The following CSMD1 variants were observed in gnomAD, a reference collection of about 807,000 sequenced individuals.
The protein encoded by CSMD1 is CUB and sushi domain-containing protein 1.
CSMD1 carries 213 observed loss-of-function variants against 417.5 expected under a neutral mutation model. The ratio of observed to expected loss-of-function variants is 0.51; its 90% CI spans 0.46 to 0.57. CSMD1 has a LOEUF of 0.57. CSMD1 is among the 20% of genes least tolerant of loss of function. The probability of loss-of-function intolerance (pLI) is 0.00; values close to 1 mark genes in which losing one functional copy is unlikely to be tolerated. For missense variants in CSMD1, 6,923 were observed against 4,529.7 expected (o/e 1.53, Z -15.17); for synonymous variants, 2,862 against 1,736.8 (o/e 1.65, Z -16.11).
At chr8:3,570,365 G>GC (rs1799893456) in intron 10 of CSMD1, among the ~76,000 whole-genome samples, 1 of 152,070 alleles carries the variant, frequency 6.6e-6, no homozygotes, top group Admixed American at 6.6e-5. Context: ...TCTTTCCTTG[G>GC]CTCCGTGGCA....
chr8:3,464,216 T>G (rs1378381737), intron 12 of CSMD1, among the ~76,000 whole-genome samples: 1 of 152,158 alleles, frequency 6.6e-6, no homozygotes, highest in Non-Finnish European at 1.5e-5. Context: ...GAATTTTTTT[T>G]TGTAACCAAA....
chr8:4,153,542 C>A lies in CSMD1; in HGVS notation c.416-121443G>T, dbSNP rs114149913. 7.4e-3 allele frequency among the ~76,000 whole-genome samples: 1,123 copies of A among 152,332 alleles called. 18 individuals are homozygous for A. Among genetic ancestry groups the A allele is most frequent in the African/African-American group, 0.026 (1,077 of 41,566 alleles). On this transcript the variant is annotated intron_variant, in intron 3 of 69. Coordinates refer to ENST00000635120, the MANE Select transcript of CSMD1 (RefSeq NM_033225.6). ...TACAAAGCACCAGCTGGTCCCTCGTCAGCAGCGGCCTCCACGCAATCATGG... is the reference window on the plus strand; with the variant it reads ...TACAAAGCACCAGCTGGTCCCTCGTAAGCAGCGGCCTCCACGCAATCATGG...
In CSMD1 at chr8:2,954,214, G is replaced by A. The variant is rs771077891; in HGVS notation, c.10039+10C>T. On this transcript the variant is annotated intron_variant, in intron 65 of 69. Coordinates refer to ENST00000635120, the MANE Select transcript of CSMD1 (RefSeq NM_033225.6). ...TGGATTGAAATCTAGAACTGTTCTG[G>A]TATACAAACCTGGAGTTTTAGTAAC... The A allele has an allele frequency of 2.7e-6, 4 of 1,468,278 alleles. No homozygotes were observed. Among genetic ancestry groups the A allele is most frequent in the South Asian group, 1.3e-5 (1 of 79,470 alleles). 91.0% of individuals were successfully genotyped at this position (1,468,278 alleles called of 1,614,324 possible). A position where few individuals can be genotyped will look rare whatever the true frequency, so the allele number is the denominator to read the frequency against.
rs1015980454 is a variant in CSMD1 at position 4,081,929 on chromosome 8, C to G, written c.416-49830G>C. Among the ~76,000 whole-genome samples, 18 of 152,168 alleles carry G rather than the reference C, an allele frequency of 1.2e-4. No homozygotes were observed. In the East Asian group the frequency reaches 2.5e-3, roughly 21 times the overall value. On this transcript the variant is annotated intron_variant, in intron 3 of 69. Coordinates refer to ENST00000635120, the MANE Select transcript of CSMD1 (RefSeq NM_033225.6). ...CATGGGGGAGTGTGTAGCTTAAATA[C>G]TTATATTACACTCGAAAAACCATAT...
intron 8 of CSMD1, among the ~76,000 whole-genome samples, chr8:3,588,131 C>G (rs1015023002): frequency 1.3e-5 from 2 of 150,282 alleles, no homozygotes; most frequent in Non-Finnish European, 2.9e-5. Flanking sequence ...GTATCAGTCT[C>G]CAGTTCTTTC....
chr8:4,910,934 C>G (rs1805625469), intron 1 of CSMD1, among the ~76,000 whole-genome samples: 1 of 152,262 alleles, frequency 6.6e-6, no homozygotes, highest in African/African-American at 2.4e-5. Context: ...GGTCAGGTCT[C>G]TCCCATGCTG....
At chr8:3,747,668 T>C (rs997409899) in intron 6 of CSMD1, among the ~76,000 whole-genome samples, 4 of 152,192 alleles carry the variant, frequency 2.6e-5, no homozygotes. Context: ...TCTCTGTACC[T>C]GTTGTGCCTA....
Position 3,169,746 on chromosome 8 carries a change from G to C in CSMD1, c.5726-7469C>G, listed in dbSNP as rs111379726. 7.9e-4 allele frequency among the ~76,000 whole-genome samples: 120 copies of C among 152,256 alleles called. 1 individual carries two copies. The highest frequency in any genetic ancestry group is 2.6e-3 in the African/African-American group (110 of 41,544). Reference sequence around the variant, plus strand: ...AGCACAAGTTGAACAAGGCACCTGTGAGATATAGCACGGTTTCTTTTCAAA... The same window carrying C: ...AGCACAAGTTGAACAAGGCACCTGTCAGATATAGCACGGTTTCTTTTCAAA... On this transcript the variant is annotated intron_variant, in intron 37 of 69. Transcript: ENST00000635120.
chr8:4,120,170 T>A (rs1020812435), intron 3 of CSMD1, among the ~76,000 whole-genome samples: 2 of 152,154 alleles, frequency 1.3e-5, no homozygotes, highest in Admixed American at 1.3e-4. Context: ...ACGTACCCCA[T>A]AAATATATAC....
intron 2 of CSMD1, among the ~76,000 whole-genome samples, chr8:4,449,501 T>C (rs1799005091): frequency 6.6e-6 from 1 of 152,322 alleles, no homozygotes; most frequent in South Asian, 2.1e-4. Context: ...ATGAAGTTAC[T>C]TGTCATTTTT....
chr8:4,576,576 G>T (rs556307343), intron 2 of CSMD1, among the ~76,000 whole-genome samples: 2 of 152,080 alleles, frequency 1.3e-5, no homozygotes, highest in African/African-American at 2.4e-5. Flanking sequence ...GTGGGGTGTG[G>T]CGTTGGGTTA....
At chr8:4,156,151 G>A (rs766576365) in intron 3 of CSMD1, among the ~76,000 whole-genome samples, 1 of 152,174 alleles carries the variant, frequency 6.6e-6, no homozygotes, top group Non-Finnish European at 1.5e-5. Flanking sequence ...ACACCACCCA[G>A]AGGCAATTCG....
chr8:3,303,688 C>G (rs1476180069), intron 25 of CSMD1, among the ~76,000 whole-genome samples: 2 of 152,250 alleles, frequency 1.3e-5, no homozygotes, highest in South Asian at 2.1e-4. Context: ...TTTAATGTTG[C>G]TAGCTGAAGA....
At chr8:4,674,988 C>G (rs1482649632) in intron 1 of CSMD1, among the ~76,000 whole-genome samples, 1 of 152,146 alleles carries the variant, frequency 6.6e-6, no homozygotes, top group East Asian at 1.9e-4. Context: ...GCAGCTGTCT[C>G]CAAACCAAGA....
intron 1 of CSMD1, among the ~76,000 whole-genome samples, chr8:4,782,722 C>G (rs1026672119): frequency 6.6e-6 from 1 of 151,702 alleles, no homozygotes; most frequent in African/African-American, 2.4e-5. Flanking sequence ...AATTTGAATC[C>G]AAAAAAATGA....
At chr8:4,766,810 A>G (rs1178857706) in intron 1 of CSMD1, among the ~76,000 whole-genome samples, 2 of 152,180 alleles carry the variant, frequency 1.3e-5, no homozygotes. Context: ...TGTTACATCA[A>G]TGGACATTAT....
intron 7 of CSMD1, among the ~76,000 whole-genome samples, chr8:3,706,344 C>A (rs1370576991): frequency 1.3e-5 from 2 of 152,212 alleles, no homozygotes; most frequent in African/African-American, 2.4e-5. Context: ...TCGCTTCAAA[C>A]CCTATGTCCT....
chr8:4,206,798 G>C (rs550657349), intron 3 of CSMD1, among the ~76,000 whole-genome samples: 56 of 152,236 alleles, frequency 3.7e-4, no homozygotes, highest in African/African-American at 1.3e-3. Context: ...ATTATATAAA[G>C]ATTGTTCTAA....
At chr8:4,919,268 G>C (rs970614512) in intron 1 of CSMD1, among the ~76,000 whole-genome samples, 1 of 152,178 alleles carries the variant, frequency 6.6e-6, no homozygotes, top group Non-Finnish European at 1.5e-5. Context: ...AAGGGAAAAA[G>C]AAGAGTTCTG....
Sources: gnomAD v4.1 joint callset for allele counts (sites outside exome capture counted in the v4.1 genomes callset) on GRCh38, gnomAD v4.1.1 for gene constraint, MANE v1.5 for transcripts, NCBI Gene and HGNC (gene_info 2026-07-23, HGNC 2026-07-21) for gene names.